CFAP107: variants seen among roughly 807,000 people sequenced by gnomAD.
CFAP107 encodes cilia and flagella associated protein 107, also known as cilia- and flagella-associated protein 107.
At chr1:12,758,609 C>G in the CFAP107 span, among the ~76,000 whole-genome samples, 1 of 152,288 alleles carries the variant, frequency 6.6e-6, no homozygotes, top group South Asian at 2.1e-4. Flanking sequence ...GACAAGAGGG[C>G]AAGCATGGAA....
At chr1:12,752,465 G>C in the CFAP107 span, among the ~76,000 whole-genome samples, 1 of 144,890 alleles carries the variant, frequency 6.9e-6, no homozygotes, top group Admixed American at 7.0e-5. Flanking sequence ...TGTGCCTGTA[G>C]TCCCAGCTTG....
the CFAP107 span, chr1:12,763,108 C>T: frequency 6.6e-6 from 1 of 152,144 alleles, no homozygotes; most frequent in South Asian, 2.1e-4. Context: ...ATCGCTTGAA[C>T]CCAGGAGGCG....
chr1:12,755,180 G>A, the CFAP107 span, among the ~76,000 whole-genome samples: 1 of 152,216 alleles, frequency 6.6e-6, no homozygotes, highest in Non-Finnish European at 1.5e-5. Context: ...GCCGAGGCAC[G>A]TGGATCACAA....
the CFAP107 span, chr1:12,746,551 C>A: frequency 1.9e-6 from 3 of 1,594,150 alleles, no homozygotes; most frequent in Non-Finnish European, 2.6e-6. Context: ...GGTAAGGAAA[C>A]GAGAGAGGTT....
chr1:12,755,397 C>G, the CFAP107 span, among the ~76,000 whole-genome samples: 1 of 138,082 alleles, frequency 7.2e-6, no homozygotes, highest in East Asian at 2.1e-4. Flanking sequence ...GAGTGAGACT[C>G]CATGTCCAAA....
chr1:12,760,264 C>G, the CFAP107 span, among the ~76,000 whole-genome samples: 1,285 of 152,264 alleles, frequency 8.4e-3, 13 homozygotes, highest in African/African-American at 0.03. Flanking sequence ...AGGAGAGTGC[C>G]TTGATGTGAT....
At chr1:12,746,420 A>T in the CFAP107 span, 1 of 1,608,392 alleles carries the variant, frequency 6.2e-7, no homozygotes, top group South Asian at 1.1e-5. Context: ...AACCTGGGGC[A>T]AATCCTTAAC....
the CFAP107 span, chr1:12,760,628 G>C: frequency 1.3e-6 from 1 of 780,330 alleles, no homozygotes; most frequent in African/African-American, 1.8e-5. Flanking sequence ...CTTCCCTGTG[G>C]GCCTCTGCCA....
chr1:12,750,653 G>A, the CFAP107 span, among the ~76,000 whole-genome samples: 3 of 151,952 alleles, frequency 2.0e-5, no homozygotes, highest in African/African-American at 7.3e-5. Flanking sequence ...TTGATAAAAG[G>A]GCCAATTCAC....
the CFAP107 span, among the ~76,000 whole-genome samples, chr1:12,746,903 C>G: frequency 1.3e-5 from 2 of 151,926 alleles, no homozygotes; most frequent in Non-Finnish European, 2.9e-5. Context: ...GTCCTTAATT[C>G]CTTTGTACCT....
At chr1:12,756,030 A>G in the CFAP107 span, among the ~76,000 whole-genome samples, 1 of 152,200 alleles carries the variant, frequency 6.6e-6, no homozygotes, top group African/African-American at 2.4e-5. Context: ...ATTCCCTCCA[A>G]CCTATATCCC....
chr1:12,751,597 A>G, the CFAP107 span, among the ~76,000 whole-genome samples: 1 of 152,214 alleles, frequency 6.6e-6, no homozygotes, highest in Non-Finnish European at 1.5e-5. Flanking sequence ...ACTGCACTCC[A>G]ACCTGGGTGA....
the CFAP107 span, among the ~76,000 whole-genome samples, chr1:12,757,124 G>A: frequency 6.6e-6 from 1 of 152,122 alleles, no homozygotes; most frequent in Non-Finnish European, 1.5e-5. Flanking sequence ...AGGATCTGGG[G>A]CTCTCAGCCT....
the CFAP107 span, chr1:12,763,266 A>G: frequency 2.0e-5 from 3 of 152,146 alleles, no homozygotes; most frequent in African/African-American, 4.8e-5. Context: ...AAACCCCATA[A>G]TGTTTTAAGT....
chr1:12,749,779 T>C, the CFAP107 span, among the ~76,000 whole-genome samples: 1 of 152,154 alleles, frequency 6.6e-6, no homozygotes, highest in African/African-American at 2.4e-5. Flanking sequence ...AAGAGGGAGA[T>C]GTTAAGACAT....
the CFAP107 span, among the ~76,000 whole-genome samples, chr1:12,757,634 C>T: frequency 6.6e-6 from 1 of 152,120 alleles, no homozygotes; most frequent in African/African-American, 2.4e-5. Flanking sequence ...AATCTGCCCA[C>T]CTTGGCCTCT....
chr1:12,761,114 T>G, the CFAP107 span: 1 of 621,942 alleles, frequency 1.6e-6, no homozygotes, highest in South Asian at 2.4e-5. Flanking sequence ...CTGTCCCCCC[T>G]CAAAACCCAC....
chr1:12,759,656 C>T, the CFAP107 span: 1 of 759,102 alleles, frequency 1.3e-6, no homozygotes, highest in African/African-American at 1.7e-5. Flanking sequence ...GGGCTGCCTC[C>T]TGTCCTTTCC....
the CFAP107 span, chr1:12,760,644 G>A: frequency 1.1e-6 from 1 of 927,928 alleles, no homozygotes; most frequent in Non-Finnish European, 1.6e-6. Flanking sequence ...TGCCAGCCTT[G>A]GTCCCTGACA....
Sources: allele counts gnomAD v4.1 joint callset (sites outside exome capture counted in the v4.1 genomes callset), GRCh38; gene constraint gnomAD v4.1.1; transcripts MANE v1.5; gene names NCBI Gene and HGNC (gene_info 2026-07-23, HGNC 2026-07-21).